SLC9A1: variants seen among roughly 807,000 people sequenced by gnomAD.
SLC9A1 encodes the protein solute carrier family 9 member A1, also known as sodium/hydrogen exchanger 1.
Under a neutral mutation model 67.9 loss-of-function variants are expected in SLC9A1, and 22 were observed. The ratio of observed to expected loss-of-function variants is 0.32; its 90% CI spans 0.23 to 0.46. The LOEUF is 0.46. Ranked by LOEUF, SLC9A1 falls within the 20% of genes least tolerant of loss-of-function variation. The probability of loss-of-function intolerance (pLI) is 1.00; values close to 1 mark genes in which losing one functional copy is unlikely to be tolerated. For synonymous variants in SLC9A1, 421 were observed against 471.8 expected, an observed-to-expected ratio of 0.89 and a Z score of 1.40; for missense variants, 686 against 1,094.8, an observed-to-expected ratio of 0.63 and a Z score of 5.27.
intron 1 of SLC9A1, among the ~76,000 whole-genome samples, chr1:27,131,216 T>C (rs1011695184): frequency 6.6e-6 from 1 of 152,054 alleles, no homozygotes; most frequent in Admixed American, 6.6e-5. Context: ...CCGTGGTTCT[T>C]TTTTCTTTTT....
Position 27,107,658 on chromosome 1 carries a change from G to T in SLC9A1, c.1272C>A (p.Ala424=). Residue 424 remains alanine, a synonymous_variant, in exon 4 of 12, where the codon GCC becomes GCA. Transcript: ENST00000263980. ...AGCCCTGGCCCTCACCCAGCACGCG[G>T]GCGATGAGGCAGAAGAGCAGGGTGC... ...VISTLLFCLI[A]RVLGVLGLTW... The T allele has an allele frequency of 6.4e-7, 1 of 1,554,062 alleles. No individual in the cohort carries two copies. The highest frequency in any genetic ancestry group is 8.7e-7 in the Non-Finnish European group (1 of 1,148,862).
chr1:27,131,947 A>AAAAAAAAAAAAAAAATATATAT, intron 1 of SLC9A1, among the ~76,000 whole-genome samples: 3 of 52,118 alleles, frequency 5.8e-5, no homozygotes, highest in African/African-American at 1.9e-4. Flanking sequence ...AGAAAAAAAA[A>AAAAAAAAAAAAAAAATATATAT]ATATATATAT....
rs2083143317 is a variant in SLC9A1, at chr1:27,101,353, C to A, written c.2038-78G>T. 2 of 1,133,348 alleles carry A rather than the reference C, an allele frequency of 1.8e-6. No individual in the cohort carries two copies. The highest frequency in any genetic ancestry group is 2.5e-5 in the South Asian group (2 of 78,878). The allele number at this position is 1,133,348 out of a possible 1,614,324, so 70.2% of individuals were successfully genotyped here. On this transcript the variant is annotated intron_variant, in intron 10 of 11. Coordinates refer to ENST00000263980, the MANE Select transcript of SLC9A1 (RefSeq NM_003047.5). This position sits in a 1 kb window ranked among gnomAD's most constrained non-coding sequence, Gnocchi z 4.9. Reference sequence around the variant, plus strand: ...CTCAGGACAGAACCCGGCCAGTGCACACCCCACCTTTCGTATATGCAGGGC... The same window carrying A: ...CTCAGGACAGAACCCGGCCAGTGCAAACCCCACCTTTCGTATATGCAGGGC...
intron 1 of SLC9A1, among the ~76,000 whole-genome samples, chr1:27,128,411 C>T (rs1416187022): frequency 3.9e-5 from 6 of 152,074 alleles, no homozygotes; most frequent in South Asian, 2.1e-4. Flanking sequence ...ATCCCAGCAG[C>T]GGGGGAGGCC....
intron 1 of SLC9A1, among the ~76,000 whole-genome samples, chr1:27,139,367 C>A (rs891281631): frequency 6.6e-6 from 1 of 152,202 alleles, no homozygotes; most frequent in African/African-American, 2.4e-5. Flanking sequence ...GCACAGCAAT[C>A]CTCGAGCACT....
chr1:27,133,538 C>T (rs760075483), intron 1 of SLC9A1, among the ~76,000 whole-genome samples: 26 of 152,104 alleles, frequency 1.7e-4, no homozygotes. Flanking sequence ...GGGGTCCTGG[C>T]TTGACTTCTT....
At chr1:27,136,650 C>T (rs919120145) in intron 1 of SLC9A1, among the ~76,000 whole-genome samples, 9 of 152,184 alleles carry the variant, frequency 5.9e-5, no homozygotes, top group Non-Finnish European at 1.3e-4. Flanking sequence ...CTGCTTGGCA[C>T]GGATACCCCT....
At chr1:27,133,072 CTT>C (rs869309425) in intron 1 of SLC9A1, among the ~76,000 whole-genome samples, 3 of 145,514 alleles carry the variant, frequency 2.1e-5, no homozygotes. Flanking sequence ...TTTCCTGATT[CTT>C]TTTTTTTTTT....
Position 27,113,983 on chromosome 1 carries a change from A to G in SLC9A1, c.656T>C (p.Ile219Thr). 5.0e-6 allele frequency: 8 copies of G among 1,614,204 alleles called. No homozygotes were observed. The highest frequency in any genetic ancestry group is 5.1e-6 in the Non-Finnish European group (6 of 1,180,044). Reference sequence around the variant, plus strand: ...GTTGTCCAGGAGGCCGATGTTGTTGATCTGCTCACCGCCCACCAGGCACAC... The same window carrying G: ...GTTGTCCAGGAGGCCGATGTTGTTGGTCTGCTCACCGCCCACCAGGCACAC... ...YAVCLVGGEQ[I>T]NNIGLLDNLL... is the part of the protein sequence containing the mutation. Residue 219 changes from isoleucine (I) to threonine (T), a missense_variant, in exon 2 of 12, where the codon ATC (isoleucine) becomes ACC (threonine). Physicochemically the swap from Ile to Thr is moderately conservative, Grantham distance 89. This residue lies in a region of SLC9A1 where 49 missense variants were observed against 73.1 expected (regional missense o/e 0.67). Transcript: ENST00000263980.
chr1:27,101,173 C>A lies in SLC9A1; in HGVS notation c.2110+30G>T, dbSNP rs201967405. 2 of 1,577,842 alleles carry A rather than the reference C, an allele frequency of 1.3e-6. No individual in the cohort carries two copies. Among genetic ancestry groups the A allele is most frequent in the East Asian group, 4.5e-5 (2 of 44,714 alleles). On this transcript the variant is annotated intron_variant, in intron 11 of 11. Coordinates refer to ENST00000263980, the MANE Select transcript of SLC9A1 (RefSeq NM_003047.5). This position sits in a 1 kb window ranked among gnomAD's most constrained non-coding sequence, Gnocchi z 4.9. ...TCAGGAGGTGGCAGCTCAGAGTGCC[C>A]AGTCCTGAGGCCCCTCGCCAGGCCC...
At chr1:27,141,745 C>T (rs560380988) in intron 1 of SLC9A1, among the ~76,000 whole-genome samples, 1 of 152,192 alleles carries the variant, frequency 6.6e-6, no homozygotes, top group Non-Finnish European at 1.5e-5. Flanking sequence ...CTGCTCCCCT[C>T]CCCCATCTTG....
chr1:27,117,547 T>C (rs372696618), intron 1 of SLC9A1, among the ~76,000 whole-genome samples: 1 of 151,708 alleles, frequency 6.6e-6, no homozygotes, highest in East Asian at 1.9e-4. Flanking sequence ...CAGAGAAGAG[T>C]TGGCCACAGC....
intron 1 of SLC9A1, among the ~76,000 whole-genome samples, chr1:27,128,991 C>T (rs188885664): frequency 3.5e-4 from 53 of 152,150 alleles, no homozygotes; most frequent in Non-Finnish European, 7.1e-4. Context: ...CAAATGCATG[C>T]ACGCACGCAC....
intron 2 of SLC9A1, among the ~76,000 whole-genome samples, chr1:27,113,182 G>A (rs1391241135): frequency 6.6e-6 from 1 of 152,176 alleles, no homozygotes; most frequent in African/African-American, 2.4e-5. Flanking sequence ...AGAAGGGCCA[G>A]GCTTGTTGGC....
rs1457611585 is a variant in SLC9A1, at chr1:27,154,089, G to A, written c.246C>T (p.Gly82=). The change falls in exon 1 of 12, where the codon GGC becomes GGT. Residue 82 remains glycine (G), a synonymous_variant. Coordinates refer to ENST00000263980, the MANE Select transcript of SLC9A1 (RefSeq NM_003047.5). ...RPVNHSVTDH[G]MKPRKAFPVL... is the part of the protein sequence containing the mutation. ...CTGGAAAGGCCTTGCGCGGCTTCAT[G>A]CCATGATCAGTGACGGAATGATTAA... The A allele has an allele frequency of 6.2e-7, 1 of 1,614,074 alleles. No homozygotes were observed. The highest frequency in any genetic ancestry group is 1.1e-5 in the South Asian group (1 of 91,080).
rs1043358238 is a variant in SLC9A1, at chr1:27,100,666, C to T, written c.2111-22G>A. ...GGGTCTGGGGACCAAGAGCAAGGCA[C>T]AAGCTGGGTTCCGCTCTGGAGCCCG... On this transcript the variant is annotated intron_variant, in intron 11 of 11. Transcript: ENST00000263980. This position sits in a 1 kb window ranked among gnomAD's most constrained non-coding sequence, Gnocchi z 5.6. 7.0e-6 allele frequency: 11 copies of T among 1,578,708 alleles called. No homozygotes were observed. Among genetic ancestry groups the T allele is most frequent in the Non-Finnish European group, 9.5e-6 (11 of 1,160,430 alleles).
At chr1:27,123,509 C>CT (rs890523683) in intron 1 of SLC9A1, among the ~76,000 whole-genome samples, 117 of 143,464 alleles carry the variant, frequency 8.2e-4, no homozygotes, top group Middle Eastern at 3.6e-3. Flanking sequence ...TTTTATTGGG[C>CT]TTTTTTTTTT....
intron 1 of SLC9A1, among the ~76,000 whole-genome samples, chr1:27,146,218 A>G (rs1204923519): frequency 6.6e-6 from 1 of 152,044 alleles, no homozygotes; most frequent in East Asian, 1.9e-4. Context: ...CAGGTGGGAG[A>G]GGCGGTGAGG....
chr1:27,100,275 G>A lies in SLC9A1; in HGVS notation c.*32C>T. 1 of 1,471,172 alleles carries A rather than the reference G, an allele frequency of 6.8e-7. No homozygotes were observed. Among genetic ancestry groups the A allele is most frequent in the Non-Finnish European group, 9.1e-7 (1 of 1,097,218 alleles). The allele number at this position is 1,471,172 out of a possible 1,614,324, so 91.1% of individuals were successfully genotyped here. On this transcript the variant is annotated 3_prime_UTR_variant, in exon 12 of 12. Transcript: ENST00000263980. The surrounding 1 kb of genome is among the most constrained non-coding windows in gnomAD (Gnocchi z 5.6). ...CCCCTGCTCTGGTGGAAGAGTCTGT[G>A]AGGGGACAGGCGCTGCCTGCTGGCC...
Sources: gnomAD v4.1 joint callset for allele counts (sites outside exome capture counted in the v4.1 genomes callset) on GRCh38, gnomAD v4.1.1 for gene constraint, gnomAD v4.1.1 regional missense constraint, Gnocchi (gnomAD v3.1) non-coding constraint, MANE v1.5 for transcripts, NCBI Gene and HGNC (gene_info 2026-07-23, HGNC 2026-07-21) for gene names.